Variants in EXOC6 observed in about 807,000 individuals in gnomAD.
EXOC6 encodes the protein SEC15-like 1.
Under a neutral mutation model 112.5 loss-of-function variants are expected in EXOC6, and 60 were observed. The observed-to-expected ratio is 0.53, with a 90% CI of 0.43 to 0.66. EXOC6 has a LOEUF of 0.66. EXOC6 is among the 30% of genes least tolerant of loss of function. The pLI, the probability that EXOC6 is intolerant of heterozygous loss-of-function variation, is 0.00. For missense variants in EXOC6, 855 were observed against 957.1 expected, an observed-to-expected ratio of 0.89 and a Z score of 1.41; for synonymous variants, 295 against 308.0, an observed-to-expected ratio of 0.96 and a Z score of 0.44.
intron 5 of EXOC6, among the ~76,000 whole-genome samples, chr10:92,908,628 A>T (rs11817137): frequency 0.022 from 3,350 of 152,294 alleles, 56 homozygotes; most frequent in African/African-American, 0.041. Flanking sequence ...GCTAAATTAT[A>T]TACTCTTTTT....
At chr10:92,893,280 C>T in intron 1 of EXOC6, 69 bp from the exon 2 acceptor site, 2 of 1,129,910 alleles carry the variant, frequency 1.8e-6, no homozygotes, top group Non-Finnish European at 2.5e-6. Context: ...TAAGATATCA[C>T]CTCTTGCAAA....
intron 17 of EXOC6, among the ~76,000 whole-genome samples, chr10:92,968,165 A>G (rs1190240683): frequency 6.9e-6 from 1 of 144,348 alleles, no homozygotes; most frequent in Non-Finnish European, 1.5e-5. Context: ...ACCCCTTTCC[A>G]CTGGTTAGTG....
chr10:93,036,792 T>C lies in EXOC6; in HGVS notation c.2170-20132T>C, dbSNP rs182209272. Among the ~76,000 whole-genome samples the C allele has an allele frequency of 3.0e-3, 461 of 152,336 alleles. 1 individual carries two copies. The highest frequency in any genetic ancestry group is 0.01 in the African/African-American group (432 of 41,580). ...GGGCAAATACAGAATATTTCTTATT[T>C]ACAATATAAGCATTATTGTAATATG... On this transcript the variant is annotated intron_variant, in intron 20 of 21. Coordinates refer to ENST00000260762, the MANE Select transcript of EXOC6 (RefSeq NM_019053.6).
intron 1 of EXOC6, among the ~76,000 whole-genome samples, chr10:92,836,102 CAA>C (rs1211073999): frequency 6.6e-6 from 1 of 152,170 alleles, no homozygotes; most frequent in Non-Finnish European, 1.5e-5. Context: ...TAAGTGGAAA[CAA>C]GAGAAAGGGT....
In EXOC6 at chr10:93,050,759, CAAAAAAA is replaced by C. The variant is rs58439083; in HGVS notation, c.2170-6149_2170-6143del. 5.9e-4 allele frequency among the ~76,000 whole-genome samples: 22 copies of C among 37,310 alleles called. No homozygotes were observed. In the South Asian group the frequency reaches 0.012, roughly 21 times the overall value. 24.5% of individuals were successfully genotyped at this position (37,310 alleles called of 152,430 possible). On this transcript the variant is annotated intron_variant, in intron 20 of 21. Coordinates refer to ENST00000260762, the MANE Select transcript of EXOC6 (RefSeq NM_019053.6). The stretch of plus-strand genomic sequence containing the variant: ...TGGGCAACAAAGCGAGACTCCGTCT[CAAAAAAA>C]AAAAAAAAAAAAAAAGAATTGCTTG...
rs966953681 is a variant in EXOC6 at position 93,009,862 on chromosome 10, T to C, written c.2096-4332T>C. Among the ~76,000 whole-genome samples, 6 of 152,180 alleles carry C rather than the reference T, an allele frequency of 3.9e-5. 1 individual carries two copies. In the South Asian group the frequency reaches 1.2e-3, roughly 32 times the overall value. On this transcript the variant is annotated intron_variant, in intron 19 of 21. Transcript: ENST00000260762. ...CAAAGGACCTTAGCCTTGTTTTATT[T>C]GAAGATGATGGGGAACTATTGAAGG...
rs548872647 is a variant in EXOC6, at chr10:92,858,544, A to G, written c.101+9910A>G. Reference sequence around the variant, plus strand: ...TCACATCCACTGTTGGGACCCTCCAATGAATTTTTCATTTATGTTACTGAC... The same window carrying G: ...TCACATCCACTGTTGGGACCCTCCAGTGAATTTTTCATTTATGTTACTGAC... On this transcript the variant is annotated intron_variant, in intron 1 of 21. Coordinates refer to ENST00000260762, the MANE Select transcript of EXOC6 (RefSeq NM_019053.6). Among the ~76,000 whole-genome samples the G allele has an allele frequency of 1.0e-3, 152 of 152,236 alleles. 1 individual carries two copies. The highest frequency in any genetic ancestry group is 3.5e-3 in the African/African-American group (144 of 41,538).
intron 6 of EXOC6, among the ~76,000 whole-genome samples, chr10:92,912,389 C>T (rs1850834408): frequency 6.6e-6 from 1 of 152,072 alleles, no homozygotes; most frequent in Admixed American, 6.5e-5. Context: ...ATAGTGAAAG[C>T]TGGGTCCAGG....
chr10:92,969,484 C>T (rs184138282), intron 17 of EXOC6, among the ~76,000 whole-genome samples: 179 of 152,260 alleles, frequency 1.2e-3, no homozygotes, highest in African/African-American at 4.0e-3. Flanking sequence ...AAGCCACTAA[C>T]TCAAAAATAG....
intron 6 of EXOC6, 32 bp downstream of exon 6, chr10:92,909,663 AT>A: frequency 1.5e-6 from 2 of 1,321,220 alleles, no homozygotes; most frequent in Non-Finnish European, 2.1e-6. Flanking sequence ...ATTTAATATT[AT>A]TTAGTAATAC....
At chr10:93,008,457 A>T (rs1435110738) in intron 19 of EXOC6, among the ~76,000 whole-genome samples, 3 of 152,332 alleles carry the variant, frequency 2.0e-5, no homozygotes, top group South Asian at 4.1e-4. Flanking sequence ...TAGGGGGGGA[A>T]GTGGGCATTA....
chr10:93,010,856 A>G (rs948338113), intron 19 of EXOC6, among the ~76,000 whole-genome samples: 1 of 152,162 alleles, frequency 6.6e-6, no homozygotes, highest in African/African-American at 2.4e-5. Context: ...TGTGATGCTC[A>G]GAGCAGATGG....
intron 6 of EXOC6, among the ~76,000 whole-genome samples, chr10:92,913,503 T>C (rs1352070469): frequency 6.6e-6 from 1 of 152,228 alleles, no homozygotes; most frequent in Non-Finnish European, 1.5e-5. Context: ...TCTAGCAGTA[T>C]TTGCTGTCTT....
intron 18 of EXOC6, among the ~76,000 whole-genome samples, chr10:92,975,223 G>A (rs1003900912): frequency 4.0e-5 from 6 of 148,384 alleles, no homozygotes; most frequent in African/African-American, 7.5e-5. Context: ...CCGCCACCCC[G>A]TCTGGGATGT....
intron 17 of EXOC6, among the ~76,000 whole-genome samples, chr10:92,970,743 G>A (rs80065024): frequency 0.011 from 1,624 of 152,272 alleles, 34 homozygotes; most frequent in African/African-American, 0.037. Flanking sequence ...AAATATCTTC[G>A]AATTCTTGTT....
chr10:92,858,879 T>C (rs1424742470), intron 1 of EXOC6, among the ~76,000 whole-genome samples: 2 of 152,110 alleles, frequency 1.3e-5, no homozygotes, highest in Non-Finnish European at 2.9e-5. Flanking sequence ...AATTCTCCTG[T>C]CTCAGCCTCC....
At chr10:92,941,752 T>C (rs1852679627) in intron 13 of EXOC6, among the ~76,000 whole-genome samples, 1 of 152,200 alleles carries the variant, frequency 6.6e-6, no homozygotes. Flanking sequence ...TTACTTTTGC[T>C]TTAACCACTT....
chr10:92,917,684 C>T (rs1851180935), intron 7 of EXOC6, among the ~76,000 whole-genome samples: 1 of 151,764 alleles, frequency 6.6e-6, no homozygotes, highest in South Asian at 2.1e-4. Context: ...TATCACCATG[C>T]CTGGCTAATT....
At chr10:93,047,287 A>T (rs182796223) in intron 20 of EXOC6, among the ~76,000 whole-genome samples, 1,539 of 152,262 alleles carry the variant, frequency 0.01, 23 homozygotes, top group African/African-American at 0.035. Context: ...CTATAATCCC[A>T]GCACTTTGGG....
Sources: allele counts gnomAD v4.1 joint callset (sites outside exome capture counted in the v4.1 genomes callset), GRCh38; gene constraint gnomAD v4.1.1; transcripts MANE v1.5; gene names NCBI Gene and HGNC (gene_info 2026-07-23, HGNC 2026-07-21).